The following RBMS3 variants were observed in gnomAD, a reference collection of about 807,000 sequenced individuals.
The protein encoded by RBMS3 is RNA-binding motif, single-stranded-interacting protein 3.
RBMS3 carries 27 observed loss-of-function variants against 66.8 expected under a neutral mutation model. The observed-to-expected ratio is 0.40, with a 90% confidence interval of 0.30 to 0.56. The LOEUF is 0.56. Among genes scored for constraint, RBMS3 ranks in the 20% least tolerant of loss-of-function variants. The pLI is 0.40. For missense variants in RBMS3, 513 were observed against 549.5 expected, an observed-to-expected ratio of 0.93 and a Z score of 0.66; for synonymous variants, 188 against 183.0, an observed-to-expected ratio of 1.03 and a Z score of -0.22.
intron 6 of RBMS3, among the ~76,000 whole-genome samples, chr3:29,772,062 C>T (rs1383094740): frequency 1.3e-5 from 2 of 151,890 alleles, no homozygotes; most frequent in African/African-American, 4.8e-5. Flanking sequence ...TGGAGGAGAA[C>T]GGTAGAAGAG....
At chr3:29,921,115 T>G (rs2060766199) in intron 10 of RBMS3, among the ~76,000 whole-genome samples, 2 of 152,228 alleles carry the variant, frequency 1.3e-5, no homozygotes, top group African/African-American at 4.8e-5. Flanking sequence ...CAGGCTGGAG[T>G]GCAGTGGCGT....
At chr3:29,532,792 C>A (rs1234071754) in intron 3 of RBMS3, among the ~76,000 whole-genome samples, 3 of 151,938 alleles carry the variant, frequency 2.0e-5, no homozygotes, top group African/African-American at 7.3e-5. Context: ...ATCATTAGTG[C>A]AAAGCAACTC....
chr3:29,516,972 G>A (rs2044651077), intron 3 of RBMS3, among the ~76,000 whole-genome samples: 1 of 151,988 alleles, frequency 6.6e-6, no homozygotes, highest in Non-Finnish European at 1.5e-5. Context: ...CAGCAATTTG[G>A]GAGGTTGAGG....
chr3:29,627,410 A>G (rs1576391957), intron 4 of RBMS3, among the ~76,000 whole-genome samples: 1 of 151,942 alleles, frequency 6.6e-6, no homozygotes, highest in Non-Finnish European at 1.5e-5. Context: ...TGTCTTTTGC[A>G]TTGTAGGATA....
At chr3:29,463,938 A>C (rs1194902104) in intron 2 of RBMS3, among the ~76,000 whole-genome samples, 1 of 152,150 alleles carries the variant, frequency 6.6e-6, no homozygotes, top group Non-Finnish European at 1.5e-5. Context: ...CATTGTACAT[A>C]TGAAGATACA....
intron 14 of RBMS3, among the ~76,000 whole-genome samples, chr3:29,992,960 T>G (rs1257331816): frequency 6.6e-6 from 1 of 152,216 alleles, no homozygotes; most frequent in African/African-American, 2.4e-5. Flanking sequence ...CTCAGTAGCC[T>G]GACTAAAAGT....
intron 2 of RBMS3, among the ~76,000 whole-genome samples, chr3:29,436,314 C>A (rs572359125): frequency 1.3e-5 from 2 of 152,144 alleles, no homozygotes; most frequent in East Asian, 3.9e-4. Context: ...ACATAACTGT[C>A]TAATTGTTTG....
intron 4 of RBMS3, among the ~76,000 whole-genome samples, chr3:29,595,527 G>A (rs1341109693): frequency 6.6e-6 from 1 of 152,022 alleles, no homozygotes; most frequent in African/African-American, 2.4e-5. Context: ...TGGATGTACT[G>A]TTGAGAAAAC....
rs185012272 is a variant in RBMS3, at chr3:29,376,837, G to A, written c.76-57906G>A. Among the ~76,000 whole-genome samples the A allele has an allele frequency of 5.7e-3, 866 of 152,044 alleles. 4 individuals are homozygous for A. Among genetic ancestry groups the A allele is most frequent in the Non-Finnish European group, 9.1e-3 (616 of 67,966 alleles). ...AGGAGAATTGTTGAACCCGGGAGGC[G>A]GAGGTTGCAGTGAGCCGAGATCGTG... On this transcript the variant is annotated intron_variant, in intron 1 of 14. Transcript: ENST00000383767.
At chr3:29,619,847 A>G (rs2048806568) in intron 4 of RBMS3, among the ~76,000 whole-genome samples, 1 of 151,756 alleles carries the variant, frequency 6.6e-6, no homozygotes, top group Non-Finnish European at 1.5e-5. Flanking sequence ...TAAGTTGTCG[A>G]GTCTGGCACG....
At chr3:29,750,964 G>T (rs933308926) in intron 5 of RBMS3, among the ~76,000 whole-genome samples, 1 of 152,124 alleles carries the variant, frequency 6.6e-6, no homozygotes, top group African/African-American at 2.4e-5. Flanking sequence ...ATTTAAAAAT[G>T]TTTAAAACTC....
intron 3 of RBMS3, among the ~76,000 whole-genome samples, chr3:29,570,533 T>C (rs1438775426): frequency 6.6e-6 from 1 of 152,154 alleles, no homozygotes; most frequent in African/African-American, 2.4e-5. Flanking sequence ...TGTGTTCAAT[T>C]GTTTTGATTT....
intron 4 of RBMS3, among the ~76,000 whole-genome samples, chr3:29,647,334 T>C: frequency 6.6e-6 from 1 of 152,176 alleles, no homozygotes; most frequent in Admixed American, 6.5e-5. Flanking sequence ...TTGGTGGCCC[T>C]TGCCAGGAAG....
intron 3 of RBMS3, among the ~76,000 whole-genome samples, chr3:29,514,826 AATAAT>A (rs1198140457): frequency 8.8e-4 from 133 of 151,382 alleles, no homozygotes; most frequent in African/African-American, 3.0e-3. Flanking sequence ...GCATATATAT[AATAAT>A]ATGAGGATAA....
At chr3:29,910,688 G>T (rs187175759) in intron 10 of RBMS3, among the ~76,000 whole-genome samples, 1 of 151,840 alleles carries the variant, frequency 6.6e-6, no homozygotes, top group African/African-American at 2.4e-5. Context: ...AGTTTTATAG[G>T]TCAACCAATT....
At chr3:29,678,307 T>C (rs536596186) in intron 4 of RBMS3, among the ~76,000 whole-genome samples, 8 of 152,260 alleles carry the variant, frequency 5.3e-5, no homozygotes, top group African/African-American at 1.9e-4. Context: ...CCTTTGAAAA[T>C]TTGAAAATAA....
In RBMS3 at chr3:29,956,350, T is replaced by C. The variant is rs74620976; in HGVS notation, c.1098+12096T>C. On this transcript the variant is annotated intron_variant, in intron 12 of 14. Transcript: ENST00000383767. The stretch of plus-strand genomic sequence containing the variant: ...TTTTGAAAACTCTCAAAGTTTTCTG[T>C]TACCACCTGATGAATTCCACCTTCT... Among the ~76,000 whole-genome samples, 31 of 152,236 alleles carry C rather than the reference T, an allele frequency of 2.0e-4. No homozygotes were observed. In the East Asian group the frequency reaches 4.6e-3, roughly 23 times the overall value.
At chr3:29,668,688 C>T (rs903410416) in intron 4 of RBMS3, among the ~76,000 whole-genome samples, 2 of 152,266 alleles carry the variant, frequency 1.3e-5, no homozygotes, top group South Asian at 2.1e-4. Flanking sequence ...AGGTACAATA[C>T]TTACACAGAT....
intron 3 of RBMS3, among the ~76,000 whole-genome samples, chr3:29,582,189 GATA>G (rs763855372): frequency 0.018 from 2,664 of 151,418 alleles, 37 homozygotes; most frequent in Non-Finnish European, 0.019. Context: ...TAGATAGATA[GATA>G]GATACACACA....
Sources: gnomAD v4.1 joint callset for allele counts (sites outside exome capture counted in the v4.1 genomes callset) on GRCh38, gnomAD v4.1.1 for gene constraint, MANE v1.5 for transcripts, NCBI Gene and HGNC (gene_info 2026-07-23, HGNC 2026-07-21) for gene names.